ADGRL2: variants seen among roughly 807,000 people sequenced by gnomAD.
The protein encoded by ADGRL2 is adhesion G protein-coupled receptor L2, also known as calcium-independent alpha-latrotoxin receptor 2.
A neutral mutation model predicts 157.4 loss-of-function variants in ADGRL2; 44 were observed. The ratio of observed to expected loss-of-function variants is 0.28; its 90% CI spans 0.22 to 0.36. ADGRL2 has a LOEUF of 0.36. ADGRL2 is among the 10% of genes least tolerant of loss of function. The pLI, the probability that ADGRL2 is intolerant of heterozygous loss-of-function variation, is 1.00. For missense variants in ADGRL2, 1,510 were observed against 1,768.9 expected, an observed-to-expected ratio of 0.85 and a Z score of 2.63; for synonymous variants, 585 against 624.7, an observed-to-expected ratio of 0.94 and a Z score of 0.95.
intron 1 of ADGRL2, among the ~76,000 whole-genome samples, chr1:81,390,355 G>A (rs1231408954): frequency 6.6e-6 from 1 of 152,306 alleles, no homozygotes; most frequent in Non-Finnish European, 1.5e-5. Flanking sequence ...ACTTGGGAGA[G>A]CTGCAGAATA....
intron 6 of ADGRL2, among the ~76,000 whole-genome samples, chr1:81,946,340 C>CT (rs397861989): frequency 0.036 from 4,584 of 128,546 alleles, 120 homozygotes; most frequent in South Asian, 0.061. Flanking sequence ...GTGCCTTAAT[C>CT]TTTTTTTTTT....
At chr1:81,856,367 G>A (rs2093202705) in intron 2 of ADGRL2, among the ~76,000 whole-genome samples, 1 of 152,170 alleles carries the variant, frequency 6.6e-6, no homozygotes, top group South Asian at 2.1e-4. Flanking sequence ...TCAAATTCTT[G>A]AGAACAAGAG....
At chr1:81,616,697 G>C (rs11163339) in intron 3 of ADGRL2, among the ~76,000 whole-genome samples, 47,907 of 92,870 alleles carry the variant, frequency 0.52, 9,585 homozygotes, top group African/African-American at 0.6. Flanking sequence ...TTTTTTTTGA[G>C]ACAGGGTCTC....
At chr1:81,397,663 C>T (rs932458318) in intron 1 of ADGRL2, among the ~76,000 whole-genome samples, 1 of 151,946 alleles carries the variant, frequency 6.6e-6, no homozygotes, top group African/African-American at 2.4e-5. Context: ...TTATTTGGGT[C>T]TTTTCTTTTT....
At chr1:81,915,510 ATGT>A (rs1253840635) in intron 3 of ADGRL2, among the ~76,000 whole-genome samples, 6 of 152,128 alleles carry the variant, frequency 3.9e-5, no homozygotes, top group Admixed American at 3.9e-4. Flanking sequence ...CTTTTGTATT[ATGT>A]CCATTGATTG....
chr1:81,714,847 T>A (rs2084055996), intron 1 of ADGRL2, among the ~76,000 whole-genome samples: 1 of 149,264 alleles, frequency 6.7e-6, no homozygotes, highest in African/African-American at 2.4e-5. Flanking sequence ...TTTGGGCATG[T>A]TTTGTTTTTT....
At chr1:81,758,423 C>T (rs975701665) in intron 1 of ADGRL2, among the ~76,000 whole-genome samples, 1 of 152,074 alleles carries the variant, frequency 6.6e-6, no homozygotes, top group Non-Finnish European at 1.5e-5. Context: ...CAATTAGGGC[C>T]GATTTATATG....
chr1:81,839,913 T>TC (rs1425225745), intron 2 of ADGRL2, among the ~76,000 whole-genome samples: 3 of 132,732 alleles, frequency 2.3e-5, no homozygotes, highest in African/African-American at 8.7e-5. Context: ...ATATTTTCCA[T>TC]CATATATATA....
chr1:81,895,957 A>T (rs2094379223), intron 2 of ADGRL2, among the ~76,000 whole-genome samples: 1 of 152,192 alleles, frequency 6.6e-6, no homozygotes, highest in African/African-American at 2.4e-5. Context: ...ATATGGGAAC[A>T]AATAGCTCAT....
At chr1:81,844,823 C>A (rs2092723501) in intron 2 of ADGRL2, among the ~76,000 whole-genome samples, 1 of 152,124 alleles carries the variant, frequency 6.6e-6, no homozygotes, top group Non-Finnish European at 1.5e-5. Context: ...TTTATAATCT[C>A]TTCTTATCAG....
intron 1 of ADGRL2, among the ~76,000 whole-genome samples, chr1:81,337,306 C>T (rs1661719127): frequency 6.6e-6 from 1 of 151,990 alleles, no homozygotes; most frequent in Non-Finnish European, 1.5e-5. Flanking sequence ...AAAGAGCGCA[C>T]TGGAACACAC....
At chr1:81,455,647 T>A (rs1453546423) in intron 2 of ADGRL2, among the ~76,000 whole-genome samples, 2 of 152,218 alleles carry the variant, frequency 1.3e-5, no homozygotes, top group East Asian at 3.8e-4. Context: ...GAAGTCATTT[T>A]TGAAAGGTGG....
At chr1:81,819,240 G>A (rs986839057) in intron 1 of ADGRL2, among the ~76,000 whole-genome samples, 2 of 152,104 alleles carry the variant, frequency 1.3e-5, no homozygotes, top group Non-Finnish European at 2.9e-5. Context: ...TTTTGTAATG[G>A]TGGGTTAGAA....
chr1:81,886,534 G>A (rs2094133253), intron 2 of ADGRL2, among the ~76,000 whole-genome samples: 2 of 152,090 alleles, frequency 1.3e-5, no homozygotes, highest in South Asian at 2.1e-4. Context: ...ATAATTCTTG[G>A]CCAGAAAACG....
intron 3 of ADGRL2, among the ~76,000 whole-genome samples, chr1:81,583,672 C>A (rs2080964683): frequency 6.6e-6 from 1 of 151,972 alleles, no homozygotes; most frequent in Non-Finnish European, 1.5e-5. Flanking sequence ...TATGTTGTGT[C>A]AGAATTTTAA....
At chr1:81,862,709 G>C (rs568417879) in intron 2 of ADGRL2, among the ~76,000 whole-genome samples, 2 of 152,110 alleles carry the variant, frequency 1.3e-5, no homozygotes, top group South Asian at 4.2e-4. Flanking sequence ...TAGTTTTTTT[G>C]TAGTACTTTT....
intron 1 of ADGRL2, chr1:81,761,758 G>A (rs1467789229): frequency 1.3e-5 from 2 of 151,890 alleles, no homozygotes; most frequent in Non-Finnish European, 2.9e-5. Flanking sequence ...TTGGCAGTTA[G>A]GATCCCTGTG....
chr1:81,447,166 A>G (rs1046098004), intron 2 of ADGRL2, among the ~76,000 whole-genome samples: 1 of 150,044 alleles, frequency 6.7e-6, no homozygotes, highest in Non-Finnish European at 1.5e-5. Context: ...TTATTTATTG[A>G]AGGAAAAAAG....
intron 2 of ADGRL2, among the ~76,000 whole-genome samples, chr1:81,451,419 C>T (rs945362419): frequency 6.6e-6 from 1 of 152,106 alleles, no homozygotes; most frequent in Non-Finnish European, 1.5e-5. Flanking sequence ...AATATCAAAA[C>T]ATATGAAGAA....
Sources: gnomAD v4.1 joint callset for allele counts (sites outside exome capture counted in the v4.1 genomes callset) on GRCh38, gnomAD v4.1.1 for gene constraint, MANE v1.5 for transcripts, NCBI Gene and HGNC (gene_info 2026-07-23, HGNC 2026-07-21) for gene names.